The following JPH1 variants were observed in gnomAD, a reference collection of about 807,000 sequenced individuals.
JPH1 encodes junctophilin-1.
A neutral mutation model predicts 53.6 loss-of-function variants in JPH1; 12 were observed. That is an observed-to-expected ratio of 0.22 (90% CI 0.14 to 0.36). JPH1 has a LOEUF of 0.36. Ranked by LOEUF, JPH1 falls within the 10% of genes least tolerant of loss-of-function variation. The probability of loss-of-function intolerance (pLI) is 1.00; values close to 1 mark genes in which losing one functional copy is unlikely to be tolerated. For synonymous variants in JPH1, 375 were observed against 363.8 expected, an observed-to-expected ratio of 1.03 and a Z score of -0.35; for missense variants, 808 against 905.5, an observed-to-expected ratio of 0.89 and a Z score of 1.38.
intron 2 of JPH1, among the ~76,000 whole-genome samples, chr8:74,296,986 A>T (rs1040653921): frequency 5.9e-5 from 9 of 152,220 alleles, no homozygotes; most frequent in Non-Finnish European, 1.3e-4. Flanking sequence ...TGATACCTGA[A>T]GAGTTCAGGA....
At chr8:74,287,328 G>T (rs566073340) in intron 2 of JPH1, among the ~76,000 whole-genome samples, 1 of 151,772 alleles carries the variant, frequency 6.6e-6, no homozygotes, top group Non-Finnish European at 1.5e-5. Context: ...CTTGGGAGGC[G>T]GAGACACGAG....
rs201357081 is a variant in JPH1, at chr8:74,244,576, G to A, written c.1858C>T (p.Pro620Ser). 4 of 1,613,596 alleles carry A rather than the reference G, an allele frequency of 2.5e-6. No individual in the cohort carries two copies. Among genetic ancestry groups the A allele is most frequent in the Non-Finnish European group, 3.4e-6 (4 of 1,179,838 alleles). ...GCAGGGCATGAATCGTTGCTTGCTG[G>A]ATTCTTTGGTATAGCAAGTTCAGAC... ...KKSELAIPKNPASNDSCPALE... is the reference protein window; with the variant it reads ...KKSELAIPKNSASNDSCPALE... Residue 620 changes from proline to serine, a missense_variant, in exon 4 of 6, where the codon CCA becomes TCA. Around this residue, in one of 2 missense-constraint regions of JPH1, gnomAD observed 756 missense variants for 811.9 expected, o/e 0.93. Transcript: ENST00000342232.
At chr8:74,255,836 A>T (rs931084514) in intron 3 of JPH1, among the ~76,000 whole-genome samples, 2 of 152,250 alleles carry the variant, frequency 1.3e-5, no homozygotes, top group African/African-American at 4.8e-5. Context: ...TCAAAACCAC[A>T]ATGAGATACC....
intron 3 of JPH1, 75 bp downstream of exon 3, chr8:74,259,310 G>A (rs1806323328): frequency 8.8e-7 from 1 of 1,138,166 alleles, no homozygotes; most frequent in Admixed American, 1.9e-5. Flanking sequence ...ACATCTTTAT[G>A]TTGAAAGGAA....
At chr8:74,251,618 T>C (rs2131384181) in intron 3 of JPH1, among the ~76,000 whole-genome samples, 1 of 152,294 alleles carries the variant, frequency 6.6e-6, no homozygotes, top group Non-Finnish European at 1.5e-5. Context: ...ACAAAAGTTA[T>C]TATTTTATTT....
At position 74,315,763 on chromosome 8, in the gene JPH1, A is replaced by T. The variant is rs746129943; in HGVS notation, c.380-143T>A. ...CAACCCTGGGGGATACTTTGCATCC[A>T]CTTGTGAATCCCCGCCCTGTAATTT... On this transcript the variant is annotated intron_variant, in intron 1 of 5. Transcript: ENST00000342232. This position sits in a 1 kb window ranked among gnomAD's most constrained non-coding sequence, Gnocchi z 6.3. 2.0e-5 allele frequency: 15 copies of T among 747,946 alleles called. No individual in the cohort carries two copies. The highest frequency in any genetic ancestry group is 3.0e-5 in the Non-Finnish European group (15 of 497,524). 46.3% of individuals were successfully genotyped at this position (747,946 alleles called of 1,614,324 possible).
intron 2 of JPH1, among the ~76,000 whole-genome samples, chr8:74,312,632 T>C (rs1808030701): frequency 6.6e-6 from 1 of 151,952 alleles, no homozygotes; most frequent in Admixed American, 6.6e-5. Context: ...TGTATTCATC[T>C]TGAGTAACTG....
At chr8:74,237,383 A>G in intron 4 of JPH1, 80 bp from the exon 5 acceptor site, 1 of 1,141,278 alleles carries the variant, frequency 8.8e-7, no homozygotes, top group Non-Finnish European at 1.3e-6. Context: ...TACTGAAAAA[A>G]TGAGAAAGTT....
Position 74,315,481 on chromosome 8 carries a change from G to A in JPH1, c.519C>T (p.Gly173=), listed in dbSNP as rs1431874321. The A allele has an allele frequency of 6.2e-7, 1 of 1,607,264 alleles. No individual in the cohort carries two copies. The change falls in exon 2 of 6, where the codon GGC becomes GGT. Residue 173 remains glycine (G), a synonymous_variant. Coordinates refer to ENST00000342232, the MANE Select transcript of JPH1 (RefSeq NM_020647.4). This position sits in a 1 kb window ranked among gnomAD's most constrained non-coding sequence, Gnocchi z 6.3. ...CGGCTGCGGCGTCGTGGAGCACGCTGCCATTGCTCTGCTCGCTGCGCAGCG... is the reference window on the plus strand; with the variant it reads ...CGGCTGCGGCGTCGTGGAGCACGCTACCATTGCTCTGCTCGCTGCGCAGCG... ...LASLRSEQSN[G]SVLHDAAAAA...
chr8:74,309,299 A>G (rs185567430), intron 2 of JPH1, among the ~76,000 whole-genome samples: 3 of 152,206 alleles, frequency 2.0e-5, no homozygotes, highest in Non-Finnish European at 4.4e-5. Context: ...GTTACCTACT[A>G]ACTTGCTAAC....
rs1808138012 is a variant in JPH1, at chr8:74,315,684, C to G, written c.380-64G>C. 1 of 1,470,780 alleles carries G rather than the reference C, an allele frequency of 6.8e-7. No homozygotes were observed. Among genetic ancestry groups the G allele is most frequent in the African/African-American group, 1.4e-5 (1 of 71,110 alleles). The allele number at this position is 1,470,780 out of a possible 1,614,324, so 91.1% of individuals were successfully genotyped here. ...AGAGCTGCACCGTCACCTGCACCAT[C>G]CAGCGCACACTGGCGCAGGCCTGCC... On this transcript the variant is annotated intron_variant, in intron 1 of 5. Coordinates refer to ENST00000342232, the MANE Select transcript of JPH1 (RefSeq NM_020647.4). The surrounding 1 kb of genome is among the most constrained non-coding windows in gnomAD (Gnocchi z 6.3).
intron 2 of JPH1, among the ~76,000 whole-genome samples, chr8:74,265,247 G>A (rs989349610): frequency 3.3e-5 from 5 of 152,100 alleles, no homozygotes; most frequent in Non-Finnish European, 5.9e-5. Context: ...TGGGAATAGC[G>A]GTGTCTACTA....
At chr8:74,309,793 G>A (rs1477637230) in intron 2 of JPH1, among the ~76,000 whole-genome samples, 1 of 152,220 alleles carries the variant, frequency 6.6e-6, no homozygotes, top group Non-Finnish European at 1.5e-5. Flanking sequence ...GGAATGGTGG[G>A]ATGATCTTGG....
At chr8:74,283,841 C>T (rs1332790183) in intron 2 of JPH1, among the ~76,000 whole-genome samples, 1 of 152,124 alleles carries the variant, frequency 6.6e-6, no homozygotes, top group East Asian at 1.9e-4. Flanking sequence ...ATAAAAAATG[C>T]TCCTTTTTCT....
rs1309955569 is a variant in JPH1, at chr8:74,320,112, G to A, written c.379+797C>T. Among the ~76,000 whole-genome samples the A allele has an allele frequency of 6.6e-6, 1 of 152,146 alleles. No individual in the cohort carries two copies. Among genetic ancestry groups the A allele is most frequent in the African/African-American group, 2.4e-5 (1 of 41,426 alleles). ...AGTAGCTGCTAACTTAGCAGCTATA[G>A]GAACACACCTGCTAATTGTATTCTT... On this transcript the variant is annotated intron_variant, in intron 1 of 5. Transcript: ENST00000342232. The surrounding 1 kb of genome is among the most constrained non-coding windows in gnomAD (Gnocchi z 4.4).
At chr8:74,255,797 A>C (rs1356224380) in intron 3 of JPH1, among the ~76,000 whole-genome samples, 1 of 152,262 alleles carries the variant, frequency 6.6e-6, no homozygotes, top group Admixed American at 6.5e-5. Flanking sequence ...AAAAATGCTC[A>C]TCATCACTGG....
In JPH1 at chr8:74,235,527, A is replaced by G. The variant is rs577222481; in HGVS notation, c.*1524T>C. On this transcript the variant is annotated 3_prime_UTR_variant, in exon 6 of 6. Transcript: ENST00000342232. ...AAAAAAAAAAAAATCTGATTAAACCATGCAAATCATGAAAATATTTAGGAG... is the reference window on the plus strand; with the variant it reads ...AAAAAAAAAAAAATCTGATTAAACCGTGCAAATCATGAAAATATTTAGGAG... 8.5e-5 allele frequency: 13 copies of G among 152,542 alleles called. No homozygotes were observed. The highest frequency in any genetic ancestry group is 3.9e-4 in the Admixed American group (6 of 15,274). The allele number at this position is 152,542 out of a possible 1,614,324, so 9.4% of individuals were successfully genotyped here. A position where few individuals can be genotyped will look rare whatever the true frequency, so the allele number is the denominator to read the frequency against.
At chr8:74,289,467 C>T (rs1298131748) in intron 2 of JPH1, among the ~76,000 whole-genome samples, 1 of 152,226 alleles carries the variant, frequency 6.6e-6, no homozygotes, top group Non-Finnish European at 1.5e-5. Context: ...AAACATAACC[C>T]TGCAGTAGCA....
chr8:74,254,226 A>C (rs1473726991), intron 3 of JPH1, among the ~76,000 whole-genome samples: 1 of 152,152 alleles, frequency 6.6e-6, no homozygotes, highest in East Asian at 1.9e-4. Flanking sequence ...CTGGGATGCA[A>C]GGCTGGTTCA....
Sources: gnomAD v4.1 joint callset for allele counts (sites outside exome capture counted in the v4.1 genomes callset) on GRCh38, gnomAD v4.1.1 for gene constraint, gnomAD v4.1.1 regional missense constraint, Gnocchi (gnomAD v3.1) non-coding constraint, MANE v1.5 for transcripts, NCBI Gene and HGNC (gene_info 2026-07-23, HGNC 2026-07-21) for gene names.